The following CATSPER3 variants were observed in gnomAD, a reference collection of about 807,000 sequenced individuals.
CATSPER3 encodes the protein cation channel sperm associated 3.
Under a neutral mutation model 36.6 loss-of-function variants are expected in CATSPER3, and 23 were observed. The ratio of observed to expected loss-of-function variants is 0.63; its 90% CI spans 0.45 to 0.89. CATSPER3 has a LOEUF of 0.89. Among genes scored for constraint, CATSPER3 ranks in the 40% least tolerant of loss-of-function variants. The pLI, the probability that CATSPER3 is intolerant of heterozygous loss-of-function variation, is 0.00. For missense variants in CATSPER3, 474 were observed against 503.9 expected, an observed-to-expected ratio of 0.94 and a Z score of 0.57; for synonymous variants, 172 against 184.1, an observed-to-expected ratio of 0.93 and a Z score of 0.53.
At chr5:134,985,792 G>A (rs544428614) in intron 2 of CATSPER3, among the ~76,000 whole-genome samples, 2 of 151,618 alleles carry the variant, frequency 1.3e-5, no homozygotes, top group South Asian at 2.1e-4. Context: ...CTAGCTGCTT[G>A]GGAGGCTGAT....
At chr5:134,969,390 C>T (rs1363640516) in intron 1 of CATSPER3, 1 of 160,700 alleles carries the variant, frequency 6.2e-6, no homozygotes, top group East Asian at 1.8e-4. Context: ...TTTTACTTTG[C>T]ATCTCCCTGA....
intron 2 of CATSPER3, among the ~76,000 whole-genome samples, chr5:134,976,543 G>A (rs547324966): frequency 1.6e-4 from 25 of 152,212 alleles, no homozygotes; most frequent in Non-Finnish European, 2.9e-4. Flanking sequence ...GCTTTTCTAG[G>A]CTTAGGATGT....
rs1311176127 is a variant in CATSPER3, at chr5:135,008,042, T to C, written c.578T>C (p.Ile193Thr). The C allele has an allele frequency of 3.1e-6, 5 of 1,614,054 alleles. No individual in the cohort carries two copies. The highest frequency in any genetic ancestry group is 1.6e-4 in the Middle Eastern group (1 of 6,084). ...TTCCTCCTCATGTACATCTTCGCTA[T>C]CTTGGGCTTCTGCCTGTTTGGATCT... ...LLFLLMYIFA[I>T]LGFCLFGSPD... Residue 193 changes from isoleucine (I) to threonine (T), a missense_variant, in exon 4 of 8, where the codon ATC becomes ACC. Ile to Thr is a moderately conservative substitution (Grantham distance 89, BLOSUM62 -1). Coordinates refer to ENST00000282611, the MANE Select transcript of CATSPER3 (RefSeq NM_178019.3).
intron 2 of CATSPER3, among the ~76,000 whole-genome samples, chr5:134,971,675 ATT>A (rs1302079392): frequency 1.3e-5 from 2 of 152,162 alleles, no homozygotes; most frequent in Non-Finnish European, 2.9e-5. Flanking sequence ...GTTCCTGGTA[ATT>A]TTTGAAGGGG....
chr5:134,970,186 A>AGAT, intron 2 of CATSPER3, 94 bp downstream of exon 2: 1 of 1,230,526 alleles, frequency 8.1e-7, no homozygotes, highest in Non-Finnish European at 1.2e-6. Context: ...CCGAGACAGA[A>AGAT]TCTCACTCTG....
At chr5:134,968,477 G>C in intron 1 of CATSPER3, 1 of 267,194 alleles carries the variant, frequency 3.7e-6, no homozygotes, top group Admixed American at 5.0e-5. Context: ...GATCACTTGA[G>C]GTCAGGAGTT....
chr5:135,006,848 AAATAAT>A lies in CATSPER3; in HGVS notation c.493-1091_493-1086del, dbSNP rs1554069451. Among the ~76,000 whole-genome samples the A allele has an allele frequency of 6.8e-4, 96 of 142,092 alleles. 6 individuals carry two copies. Among genetic ancestry groups the A allele is most frequent in the Non-Finnish European group, 7.3e-4 (49 of 66,898 alleles). The allele number at this position is 142,092 out of a possible 152,430, so 93.2% of individuals were successfully genotyped here. A position where few individuals can be genotyped will look rare whatever the true frequency, so the allele number is the denominator to read the frequency against. ...GCGACTCCGTCTCGAAAAAAAAAAAAAATAATAATAATAATAATAATAAAATCTCAG... is the reference window on the plus strand; with the variant it reads ...GCGACTCCGTCTCGAAAAAAAAAAAAAATAATAATAATAATAAAATCTCAG... On this transcript the variant is annotated intron_variant, in intron 3 of 7. Transcript: ENST00000282611.
chr5:134,997,391 C>A (rs1018728951), intron 3 of CATSPER3, among the ~76,000 whole-genome samples: 1 of 152,176 alleles, frequency 6.6e-6, no homozygotes, highest in African/African-American at 2.4e-5. Flanking sequence ...CTGTGTGTGT[C>A]CCCTCTCAAA....
At chr5:134,974,400 G>C (rs902998293) in intron 2 of CATSPER3, among the ~76,000 whole-genome samples, 2 of 152,174 alleles carry the variant, frequency 1.3e-5, no homozygotes, top group African/African-American at 4.8e-5. Flanking sequence ...AGAAATGCAA[G>C]GTATTAATTA....
intron 5 of CATSPER3, 44 bp from the exon 6 acceptor site, chr5:135,009,327 T>G: frequency 6.2e-7 from 1 of 1,604,554 alleles, no homozygotes; most frequent in Non-Finnish European, 8.5e-7. Flanking sequence ...GGTCTGGGCA[T>G]GTAGCGAGAG....
At chr5:134,977,098 T>C (rs778825403) in intron 2 of CATSPER3, among the ~76,000 whole-genome samples, 13 of 152,218 alleles carry the variant, frequency 8.5e-5, no homozygotes, top group Admixed American at 2.0e-4. Flanking sequence ...TCTTGGTTAT[T>C]AGCACTTAGC....
chr5:134,972,878 G>A (rs1275416197), intron 2 of CATSPER3, among the ~76,000 whole-genome samples: 3 of 152,140 alleles, frequency 2.0e-5, no homozygotes, highest in Non-Finnish European at 4.4e-5. Flanking sequence ...AGGAAAGAGG[G>A]GGTGAAGGAA....
At chr5:134,970,233 G>A (rs1418238811) in intron 2 of CATSPER3, 141 bp downstream of exon 2, 4 of 778,694 alleles carry the variant, frequency 5.1e-6, no homozygotes, top group East Asian at 2.7e-5. Flanking sequence ...TCAGCTCACT[G>A]CAACCTCCAT....
intron 3 of CATSPER3, among the ~76,000 whole-genome samples, chr5:135,003,674 C>A (rs1019036275): frequency 6.6e-6 from 1 of 152,254 alleles, no homozygotes. Context: ...CCCGCAGCCT[C>A]GCTGCTGCCT....
intron 2 of CATSPER3, among the ~76,000 whole-genome samples, chr5:134,978,330 G>A (rs1297175052): frequency 6.6e-6 from 1 of 152,110 alleles, no homozygotes; most frequent in Non-Finnish European, 1.5e-5. Context: ...CAAAGAAATG[G>A]CGTGTTTGAG....
intron 6 of CATSPER3, among the ~76,000 whole-genome samples, chr5:135,009,750 G>C (rs1752155176): frequency 6.6e-6 from 1 of 152,250 alleles, no homozygotes; most frequent in Non-Finnish European, 1.5e-5. Flanking sequence ...GAACTCCACT[G>C]CTGGGCCCTT....
rs139687312 is a variant in CATSPER3 at position 134,989,300 on chromosome 5, A to G, written c.253-6973A>G. On this transcript the variant is annotated intron_variant, in intron 2 of 7. Coordinates refer to ENST00000282611, the MANE Select transcript of CATSPER3 (RefSeq NM_178019.3). The stretch of plus-strand genomic sequence containing the variant: ...AAAGTCACCAGCTGCATTACCCCCT[A>G]ACAAGAGAGTCAGCCTGTCCTTTGA... Among the ~76,000 whole-genome samples, 509 of 152,248 alleles carry G rather than the reference A, an allele frequency of 3.3e-3. 7 individuals are homozygous for G. The East Asian group carries it at 0.037, about 11-fold the overall frequency.
Position 134,970,102 on chromosome 5 carries a change from C to CA in CATSPER3, c.252+14dup, listed in dbSNP as rs766245266. ...GTTCAGACTTCTTGAGGTAAGCAGA[C>CA]AAAATGGGTCCATTTTCTTCTTTTT... On this transcript the variant is annotated intron_variant, in intron 2 of 7. Transcript: ENST00000282611. 6.2e-7 allele frequency: 1 copy of CA among 1,612,236 alleles called. No individual in the cohort carries two copies. Among genetic ancestry groups the CA allele is most frequent in the South Asian group, 1.1e-5 (1 of 90,992 alleles).
intron 3 of CATSPER3, among the ~76,000 whole-genome samples, chr5:135,006,097 T>C (rs1434622881): frequency 6.6e-6 from 1 of 152,136 alleles, no homozygotes; most frequent in Admixed American, 6.5e-5. Flanking sequence ...ACTTAGAACT[T>C]CCTCAGGAGG....
Sources: allele counts gnomAD v4.1 joint callset (sites outside exome capture counted in the v4.1 genomes callset), GRCh38; gene constraint gnomAD v4.1.1; transcripts MANE v1.5; gene names NCBI Gene and HGNC (gene_info 2026-07-23, HGNC 2026-07-21).